The following ADH5 variants were observed in gnomAD, a reference collection of about 807,000 sequenced individuals.
ADH5 encodes the protein alcohol dehydrogenase class-3.
ADH5 carries 32 observed loss-of-function variants against 40.3 expected under a neutral mutation model. That is an observed-to-expected ratio of 0.79 (90% CI 0.60 to 1.07). The LOEUF is 1.07. Ranked by LOEUF, ADH5 falls within the 50% of genes least tolerant of loss-of-function variation. ADH5 has a pLI of 0.00. For missense variants in ADH5, 353 were observed against 460.5 expected, an observed-to-expected ratio of 0.77 and a Z score of 2.14; for synonymous variants, 125 against 154.3, an observed-to-expected ratio of 0.81 and a Z score of 1.41.
chr4:99,077,715 T>A (rs13145727), intron 4 of ADH5, among the ~76,000 whole-genome samples: 12,396 of 152,284 alleles, frequency 0.081, 539 homozygotes, highest in Middle Eastern at 0.11. Context: ...CTTCACTTTG[T>A]TTTGCCTGTG....
At chr4:99,083,767 ACT>A (rs28730585) in intron 2 of ADH5, among the ~76,000 whole-genome samples, 368 of 151,710 alleles carry the variant, frequency 2.4e-3, no homozygotes, top group Middle Eastern at 6.8e-3. Context: ...TTTTGCTGTG[ACT>A]CTCTTCCTAG....
At chr4:99,082,701 G>A (rs1007879508) in intron 2 of ADH5, among the ~76,000 whole-genome samples, 6 of 152,010 alleles carry the variant, frequency 3.9e-5, no homozygotes, top group African/African-American at 1.4e-4. Flanking sequence ...TTTGGGACAA[G>A]AGTCTCGCTC....
At chr4:99,073,304 G>A (rs13127586) in intron 7 of ADH5, among the ~76,000 whole-genome samples, 51,466 of 151,970 alleles carry the variant, frequency 0.34, 10,326 homozygotes, top group South Asian at 0.52. Context: ...TCAGCCTCCC[G>A]GGTAGCTGGG....
At position 99,076,291 on chromosome 4, in the gene ADH5, C is replaced by A; in HGVS notation, c.825+1G>T. The stretch of plus-strand genomic sequence containing the variant: ...TAAAAAGGAATGAAGCCCATACTCA[C>A]CATGACCTTCACATTACCAATACAT... On this transcript the variant is annotated splice_donor_variant, in intron 6 of 8. Transcript: ENST00000296412. LOFTEE classifies it high-confidence loss of function. 2 of 1,613,980 alleles carry A rather than the reference C, an allele frequency of 1.2e-6. No homozygotes were observed. The highest frequency in any genetic ancestry group is 1.7e-6 in the Non-Finnish European group (2 of 1,179,846).
At chr4:99,078,468 A>T (rs1200318800) in intron 4 of ADH5, among the ~76,000 whole-genome samples, 2 of 152,148 alleles carry the variant, frequency 1.3e-5, no homozygotes, top group Non-Finnish European at 2.9e-5. Flanking sequence ...GCAGTGGCAC[A>T]TCATGGCTCA....
intron 1 of ADH5, 30 bp downstream of exon 1, chr4:99,088,659 A>G: frequency 6.2e-7 from 1 of 1,604,400 alleles, no homozygotes; most frequent in Non-Finnish European, 8.5e-7. Flanking sequence ...CCTCCCTTGG[A>G]CTCAGGGCCC....
chr4:99,087,651 A>C (rs1728174266), intron 1 of ADH5, among the ~76,000 whole-genome samples: 1 of 152,162 alleles, frequency 6.6e-6, no homozygotes, highest in Non-Finnish European at 1.5e-5. Flanking sequence ...CCCTTTAAAA[A>C]ATGTCTTAAT....
chr4:99,087,256 C>T (rs1389386141), intron 1 of ADH5, among the ~76,000 whole-genome samples: 1 of 151,942 alleles, frequency 6.6e-6, no homozygotes, highest in African/African-American at 2.4e-5. Flanking sequence ...GTGACGGGCG[C>T]CGGTAATCCC....
At chr4:99,072,855 A>C (rs1003188032) in intron 7 of ADH5, 144 bp from the exon 8 acceptor site, 2 of 730,704 alleles carry the variant, frequency 2.7e-6, no homozygotes, top group Non-Finnish European at 4.6e-6. Context: ...GGAGATGAAG[A>C]ATTTGACCAA....
intron 4 of ADH5, 72 bp from the exon 5 acceptor site, chr4:99,076,995 TA>T: frequency 9.2e-7 from 1 of 1,088,408 alleles, no homozygotes; most frequent in East Asian, 2.5e-5. Flanking sequence ...AGAAATGTTT[TA>T]AAAATAATGA....
rs376403212 is a variant in ADH5, at chr4:99,088,723, G to A, written c.-23C>T. 2 of 1,605,740 alleles carry A rather than the reference G, an allele frequency of 1.2e-6. No homozygotes were observed. The highest frequency in any genetic ancestry group is 1.3e-5 in the African/African-American group (1 of 74,604). ...CATGTTCACGGATTCTGGTCGGCGCGGGGGGCTGACATCCGGGGTGGGCCG... is the reference window on the plus strand; with the variant it reads ...CATGTTCACGGATTCTGGTCGGCGCAGGGGGCTGACATCCGGGGTGGGCCG... On this transcript the variant is annotated 5_prime_UTR_variant, in exon 1 of 9. Coordinates refer to ENST00000296412, the MANE Select transcript of ADH5 (RefSeq NM_000671.4).
At chr4:99,079,896 A>G (rs1370915637) in intron 4 of ADH5, 1 of 411,778 alleles carries the variant, frequency 2.4e-6, no homozygotes, top group African/African-American at 2.1e-5. Flanking sequence ...TGGCAAATTT[A>G]GCCTGCTGTT....
chr4:99,078,978 T>C (rs1727976501), intron 4 of ADH5, among the ~76,000 whole-genome samples: 1 of 152,242 alleles, frequency 6.6e-6, no homozygotes, highest in Non-Finnish European at 1.5e-5. Flanking sequence ...TAACTGGATT[T>C]GCTTTATAAA....
At chr4:99,088,667 C>A in intron 1 of ADH5, 22 bp downstream of exon 1, 1 of 1,606,488 alleles carries the variant, frequency 6.2e-7, no homozygotes, top group Non-Finnish European at 8.5e-7. Flanking sequence ...GGACTCAGGG[C>A]CCTCCGCTCA....
In ADH5 at chr4:99,076,788, T is replaced by A. The variant is rs772906683; in HGVS notation, c.480A>T (p.Ile160=). 6.2e-7 allele frequency: 1 copy of A among 1,614,068 alleles called. No homozygotes were observed. The highest frequency in any genetic ancestry group is 1.1e-5 in the South Asian group (1 of 91,080). The change falls in exon 5 of 9, where the codon ATA becomes ATT. Residue 160 remains isoleucine (I), a synonymous_variant. Coordinates refer to ENST00000296412, the MANE Select transcript of ADH5 (RefSeq NM_000671.4). ...CTTTATCCAAAGGTGCTAAAGGATC[T>A]ATTTTAGCAACAGAGATATCAGCCA... ...TVVADISVAK[I]DPLAPLDKVC...
At chr4:99,087,780 T>C (rs1349448216) in intron 1 of ADH5, among the ~76,000 whole-genome samples, 2 of 152,208 alleles carry the variant, frequency 1.3e-5, no homozygotes, top group African/African-American at 4.8e-5. Flanking sequence ...ATCTTTCACC[T>C]TCTCTGAATA....
At chr4:99,075,162 G>T in intron 6 of ADH5, 113 bp from the exon 7 acceptor site, 1 of 917,916 alleles carries the variant, frequency 1.1e-6, no homozygotes, top group South Asian at 3.0e-5. Flanking sequence ...GCAACAAAAG[G>T]CCAAACTTAA....
Position 99,072,858 on chromosome 4 carries a change from T to C in ADH5, c.962-147A>G, listed in dbSNP as rs992702349. 12 of 720,728 alleles carry C rather than the reference T, an allele frequency of 1.7e-5. No individual in the cohort carries two copies. In the African/African-American group the frequency reaches 2.1e-4, roughly 13 times the overall value. The allele number at this position is 720,728 out of a possible 1,614,324, so 44.6% of individuals were successfully genotyped here. A position where few individuals can be genotyped will look rare whatever the true frequency, so the allele number is the denominator to read the frequency against. On this transcript the variant is annotated intron_variant, in intron 7 of 8. Transcript: ENST00000296412. The stretch of plus-strand genomic sequence containing the variant: ...CCAAAATAGCATGGAGATGAAGAAT[T>C]TGACCAACACCTTTCAGTGAAGAAG...
intron 1 of ADH5, 79 bp downstream of exon 1, chr4:99,088,609 CG>C: frequency 7.1e-7 from 1 of 1,402,302 alleles, no homozygotes; most frequent in South Asian, 1.6e-5. Context: ...GAGCCTCGCG[CG>C]CCCCCGAGGA....
Sources: gnomAD v4.1 joint callset for allele counts (sites outside exome capture counted in the v4.1 genomes callset) on GRCh38, gnomAD v4.1.1 for gene constraint, MANE v1.5 for transcripts, NCBI Gene and HGNC (gene_info 2026-07-23, HGNC 2026-07-21) for gene names.